The following BCAS1 variants were observed in gnomAD, a reference collection of about 807,000 sequenced individuals.
BCAS1 encodes the protein brain enriched myelin associated protein 1, also known as breast carcinoma-amplified sequence 1.
A neutral mutation model predicts 65.4 loss-of-function variants in BCAS1; 46 were observed. The ratio of observed to expected loss-of-function variants is 0.70; its 90% confidence interval spans 0.55 to 0.90. The LOEUF (loss-of-function observed/expected upper bound fraction) is 0.90, where lower values mean the gene tolerates loss of function less well. Ranked by LOEUF, BCAS1 falls within the 40% of genes least tolerant of loss-of-function variation. The pLI is 0.00. For synonymous variants in BCAS1, 298 were observed against 293.5 expected, an observed-to-expected ratio of 1.02 and a Z score of -0.16; for missense variants, 793 against 771.2, an observed-to-expected ratio of 1.03 and a Z score of -0.33.
intron 1 of BCAS1, among the ~76,000 whole-genome samples, chr20:54,065,914 A>G (rs1185097790): frequency 1.3e-5 from 2 of 152,158 alleles, no homozygotes; most frequent in Non-Finnish European, 2.9e-5. Context: ...AGGAATAGAG[A>G]TAAGCTGTTA....
intron 7 of BCAS1, among the ~76,000 whole-genome samples, chr20:53,985,816 T>C (rs906260845): frequency 2.4e-4 from 37 of 152,206 alleles, no homozygotes; most frequent in South Asian, 2.1e-4. Context: ...TTTAGGCCAC[T>C]GGTCTCCAAA....
chr20:53,994,990 A>T (rs778052336), intron 6 of BCAS1, 22 bp downstream of exon 6: 1 of 1,608,868 alleles, frequency 6.2e-7, no homozygotes, highest in Non-Finnish European at 8.5e-7. Context: ...AAATATATAC[A>T]TACACACTTC....
chr20:54,043,619 C>T (rs892382977), intron 3 of BCAS1, among the ~76,000 whole-genome samples: 3 of 152,144 alleles, frequency 2.0e-5, no homozygotes, highest in Admixed American at 2.0e-4. Flanking sequence ...TCATTCAGAG[C>T]CTTGAGCCAG....
chr20:54,024,090 C>T (rs2091619320), intron 4 of BCAS1, among the ~76,000 whole-genome samples: 1 of 152,154 alleles, frequency 6.6e-6, no homozygotes, highest in South Asian at 2.1e-4. Flanking sequence ...GTGCTAGATA[C>T]TATTATTATC....
At chr20:54,055,542 TCCCTC>T (rs2092285116) in intron 3 of BCAS1, among the ~76,000 whole-genome samples, 1 of 152,096 alleles carries the variant, frequency 6.6e-6, no homozygotes, top group Admixed American at 6.6e-5. Context: ...TCCCACTGGG[TCCCTC>T]CCACAACACA....
At position 53,995,023 on chromosome 20, in the gene BCAS1, G is replaced by T; in HGVS notation, c.916C>A (p.Pro306Thr). Residue 306 changes from proline (P) to threonine (T), a missense_variant, in exon 6 of 13, where the codon CCA (proline) becomes ACA (threonine). Pro to Thr is a conservative substitution (Grantham distance 38). Transcript: ENST00000688948. Reference protein sequence around the residue: ...SPNKAETKKDPEDTASKAESV... With the variant: ...SPNKAETKKDTEDTASKAESV... ...TTCCAACTACCTACCGTGTCTTCTG[G>T]GTCCTTTTTTGTTTCAGCTTTGTTA... 1 of 1,613,092 alleles carries T rather than the reference G, an allele frequency of 6.2e-7. No homozygotes were observed.
At position 54,048,471 on chromosome 20, in the gene BCAS1, C is replaced by T. The variant is rs543251021; in HGVS notation, c.142+9614G>A. 2.9e-3 allele frequency among the ~76,000 whole-genome samples: 447 copies of T among 152,180 alleles called. 2 individuals carry two copies. Among genetic ancestry groups the T allele is most frequent in the African/African-American group, 0.01 (429 of 41,504 alleles). On this transcript the variant is annotated intron_variant, in intron 3 of 12. Coordinates refer to ENST00000688948, the MANE Select transcript of BCAS1 (RefSeq NM_001366298.2). ...GATGCCTACATGGTGGCAGAGGCTTCAGGGAAGGATCCTCCTTCCTCGCAT... is the reference window on the plus strand; with the variant it reads ...GATGCCTACATGGTGGCAGAGGCTTTAGGGAAGGATCCTCCTTCCTCGCAT...
At position 54,016,279 on chromosome 20, in the gene BCAS1, C is replaced by T. The variant is rs78230747; in HGVS notation, c.723+12113G>A. Among the ~76,000 whole-genome samples, 448 of 152,168 alleles carry T rather than the reference C, an allele frequency of 2.9e-3. 2 individuals carry two copies. Among genetic ancestry groups the T allele is most frequent in the African/African-American group, 0.01 (430 of 41,494 alleles). On this transcript the variant is annotated intron_variant, in intron 4 of 12. Transcript: ENST00000688948. ...CAATACTGGAAATTTTTTAAAGCCC[C>T]ATGCATAAAATATTGATCATGTTCT...
intron 4 of BCAS1, among the ~76,000 whole-genome samples, chr20:54,025,153 G>A (rs772448857): frequency 2.0e-5 from 3 of 152,020 alleles, no homozygotes; most frequent in East Asian, 1.9e-4. Context: ...AACACTTTAT[G>A]CGCCCCACAC....
At chr20:54,049,937 C>T (rs149735965) in intron 3 of BCAS1, among the ~76,000 whole-genome samples, 46 of 152,246 alleles carry the variant, frequency 3.0e-4, no homozygotes, top group African/African-American at 9.6e-4. Context: ...GTTCCATTTC[C>T]GATTGCTGTA....
At chr20:53,953,284 G>A in intron 12 of BCAS1, 148 bp downstream of exon 12, 10 of 999,372 alleles carry the variant, frequency 1.0e-5, no homozygotes, top group Non-Finnish European at 1.5e-5. Flanking sequence ...GAACCTGCTG[G>A]AAGTCACATA....
intron 3 of BCAS1, among the ~76,000 whole-genome samples, chr20:54,057,161 G>GT (rs1225816361): frequency 6.6e-6 from 1 of 152,190 alleles, no homozygotes; most frequent in Non-Finnish European, 1.5e-5. Context: ...AGTCAAATAG[G>GT]TAAGTATATG....
At chr20:53,963,139 C>T (rs904746973) in intron 10 of BCAS1, among the ~76,000 whole-genome samples, 53 of 151,640 alleles carry the variant, frequency 3.5e-4, no homozygotes, top group African/African-American at 1.2e-3. Flanking sequence ...CGTGAGCCAC[C>T]GCGCCTGGCC....
In BCAS1 at chr20:54,058,643, C is replaced by T; in HGVS notation, c.72+4G>A. 1 of 1,498,950 alleles carries T rather than the reference C, an allele frequency of 6.7e-7. No individual in the cohort carries two copies. The highest frequency in any genetic ancestry group is 9.1e-7 in the Non-Finnish European group (1 of 1,096,264). The allele number at this position is 1,498,950 out of a possible 1,614,324, so 92.9% of individuals were successfully genotyped here. ...TGATGCCCCTGTAATGGTTACTACA[C>T]TACCTGGTAAGTCTCTGCTTCTGGT... is the stretch of plus-strand genomic sequence containing the variant. On this transcript the variant is annotated splice_donor_region_variant and intron_variant, in intron 2 of 12. Coordinates refer to ENST00000688948, the MANE Select transcript of BCAS1 (RefSeq NM_001366298.2).
chr20:53,949,131 AC>A (rs1348440544), intron 12 of BCAS1, among the ~76,000 whole-genome samples: 4 of 152,018 alleles, frequency 2.6e-5, no homozygotes, highest in Non-Finnish European at 5.9e-5. Context: ...GAAGGGAGAA[AC>A]CCAGTCTTCC....
chr20:54,070,340 C>T (rs1473891685), intron 1 of BCAS1, 93 bp downstream of exon 1: 1 of 152,294 alleles, frequency 6.6e-6, no homozygotes, highest in Admixed American at 6.5e-5. Context: ...TGGGATCAAA[C>T]TTGACCCTGT....
At chr20:54,012,131 A>G (rs73133427) in intron 4 of BCAS1, among the ~76,000 whole-genome samples, 5,900 of 152,286 alleles carry the variant, frequency 0.039, 141 homozygotes, top group Middle Eastern at 0.099. Context: ...CTGAAGGGGA[A>G]AAAAGCCTAT....
chr20:54,029,095 G>GT, intron 3 of BCAS1, 123 bp from the exon 4 acceptor site: 1 of 1,440,966 alleles, frequency 6.9e-7, no homozygotes, highest in Non-Finnish European at 9.1e-7. Flanking sequence ...TTGTTCTCTG[G>GT]TCATTCTGAA....
chr20:54,046,159 G>T (rs1194618338), intron 3 of BCAS1, among the ~76,000 whole-genome samples: 2 of 152,176 alleles, frequency 1.3e-5, no homozygotes, highest in Non-Finnish European at 2.9e-5. Context: ...AGTTATTTCA[G>T]TTATCTATGG....
Sources: allele counts gnomAD v4.1 joint callset (sites outside exome capture counted in the v4.1 genomes callset), GRCh38; gene constraint gnomAD v4.1.1; transcripts MANE v1.5; gene names NCBI Gene and HGNC (gene_info 2026-07-23, HGNC 2026-07-21).